Variants in TSPAN3 observed in about 807,000 individuals in gnomAD.
TSPAN3 encodes the protein tetraspanin-3.
In TSPAN3, 9 loss-of-function variants were observed where a neutral mutation model predicts 31.1. That is an observed-to-expected ratio of 0.29 (90% CI 0.17 to 0.50). TSPAN3 has a LOEUF of 0.50. Among genes scored for constraint, TSPAN3 ranks in the 20% least tolerant of loss-of-function variants. The pLI, the probability that TSPAN3 is intolerant of heterozygous loss-of-function variation, is 0.98. For synonymous variants in TSPAN3, 129 were observed against 114.3 expected (o/e 1.13, Z -0.82); for missense variants, 252 against 313.5 (o/e 0.80, Z 1.48).
chr15:77,057,856 C>A (rs2076777286), intron 1 of TSPAN3, among the ~76,000 whole-genome samples: 1 of 152,160 alleles, frequency 6.6e-6, no homozygotes, highest in African/African-American at 2.4e-5. Flanking sequence ...TACACATTTC[C>A]ATCTGCAAGT....
chr15:77,066,234 T>C (rs2076831963), intron 1 of TSPAN3, among the ~76,000 whole-genome samples: 1 of 152,218 alleles, frequency 6.6e-6, no homozygotes, highest in Admixed American at 6.5e-5. Flanking sequence ...TGTCTGACCT[T>C]GGTACAAAGG....
intron 6 of TSPAN3, among the ~76,000 whole-genome samples, chr15:77,050,995 C>A (rs1179410638): frequency 6.6e-6 from 1 of 152,150 alleles, no homozygotes; most frequent in Non-Finnish European, 1.5e-5. Context: ...GCAATCCAAG[C>A]AACTTACATT....
At position 77,041,469 on chromosome 15, in the gene TSPAN3, TCTGCCTCCCGGTTCAAGCGATTCTC is replaced by T. The variant is rs2076660019; in HGVS notation, c.*5341_*5365del. 6.7e-6 allele frequency: 1 copy of T among 148,226 alleles called. No homozygotes were observed. The highest frequency in any genetic ancestry group is 2.2e-4 in the South Asian group (1 of 4,640). 9.2% of individuals were successfully genotyped at this position (148,226 alleles called of 1,614,324 possible). On this transcript the variant is annotated 3_prime_UTR_variant, in exon 7 of 7. Transcript: ENST00000267970. The stretch of plus-strand genomic sequence containing the variant: ...GGCATAATCTCGGCTCACTGCAACC[TCTGCCTCCCGGTTCAAGCGATTCTC>T]CTGCCTCAGCCTCCCAAGTAGCTGG...
chr15:77,054,288 G>C lies in TSPAN3; in HGVS notation c.331-9C>G. On this transcript the variant is annotated splice_polypyrimidine_tract_variant and intron_variant, in intron 3 of 6. Transcript: ENST00000267970. ...TCAACCTCATTTTCCACCTGAATCA[G>C]AACAAAGAATTCAGTCCCTCAAAAA... 6.3e-7 allele frequency: 1 copy of C among 1,596,230 alleles called. No individual in the cohort carries two copies.
intron 6 of TSPAN3, among the ~76,000 whole-genome samples, chr15:77,051,821 G>A (rs1258224023): frequency 2.0e-5 from 3 of 152,114 alleles, no homozygotes; most frequent in Non-Finnish European, 2.9e-5. Context: ...TCATGTCATT[G>A]CACTCAAGCC....
At chr15:77,069,234 G>A (rs1458219275) in intron 1 of TSPAN3, among the ~76,000 whole-genome samples, 1 of 152,136 alleles carries the variant, frequency 6.6e-6, no homozygotes, top group African/African-American at 2.4e-5. Flanking sequence ...AATCATTGTA[G>A]AATACATTTC....
Position 77,046,695 on chromosome 15 carries a change from A to G in TSPAN3, c.*140T>C. Reference sequence around the variant, plus strand: ...AGGTAGTAGGTAAGTAGGTGGGCACATGAAAAGCCAAGCTGCTCTGTCCAA... The same window carrying G: ...AGGTAGTAGGTAAGTAGGTGGGCACGTGAAAAGCCAAGCTGCTCTGTCCAA... On this transcript the variant is annotated 3_prime_UTR_variant, in exon 7 of 7. Transcript: ENST00000267970. 6 of 611,276 alleles carry G rather than the reference A, an allele frequency of 9.8e-6. No homozygotes were observed. Among genetic ancestry groups the G allele is most frequent in the South Asian group, 2.2e-5 (1 of 46,026 alleles). The allele number at this position is 611,276 out of a possible 1,614,324, so 37.9% of individuals were successfully genotyped here. A position where few individuals can be genotyped will look rare whatever the true frequency, so the allele number is the denominator to read the frequency against.
Position 77,070,951 on chromosome 15 carries a change from C to T in TSPAN3, c.4G>A (p.Gly2Ser), listed in dbSNP as rs765595966. 43 of 1,438,256 alleles carry T rather than the reference C, an allele frequency of 3.0e-5. No individual in the cohort carries two copies. The highest frequency in any genetic ancestry group is 3.7e-4 in the Middle Eastern group (2 of 5,420). 89.1% of individuals were successfully genotyped at this position (1,438,256 alleles called of 1,614,324 possible). Reference protein sequence around the residue: MGQCGITSSKTV... With the variant: MSQCGITSSKTV... ...TTGGAGGAGGTGATGCCGCACTGGC[C>T]CATGGCGCCGGTGGCCCGCGAAGGC... Residue 2 changes from glycine (G) to serine (S), a missense_variant, in exon 1 of 7, where the codon GGC becomes AGC. By Grantham distance (56) the Gly-to-Ser change is moderately conservative. Coordinates refer to ENST00000267970, the MANE Select transcript of TSPAN3 (RefSeq NM_005724.6).
rs60483848 is a variant in TSPAN3 at position 77,053,451 on chromosome 15, CAAAAAAAAAAAAAAAAAAAAA to C, written c.433-543_433-523del. 1.4e-3 allele frequency among the ~76,000 whole-genome samples: 69 copies of C among 50,380 alleles called. 1 individual carries two copies. The highest frequency in any genetic ancestry group is 5.8e-3 in the African/African-American group (48 of 8,282). The allele number at this position is 50,380 out of a possible 152,430, so 33.1% of individuals were successfully genotyped here. On this transcript the variant is annotated intron_variant, in intron 4 of 6. Transcript: ENST00000267970. ...CAACAAGAGTGAAATTTCGCCATCT[CAAAAAAAAAAAAAAAAAAAAA>C]AAAAAAAAAAAAAAAAAAAAAAGAA...
In TSPAN3 at chr15:77,043,177, A is replaced by C. The variant is rs368749976; in HGVS notation, c.*3658T>G. ...GATTCTCCAGCATGGGACAGGCAGCATATCCCAGGCAACCACAGCCACCCC... is the reference window on the plus strand; with the variant it reads ...GATTCTCCAGCATGGGACAGGCAGCCTATCCCAGGCAACCACAGCCACCCC... On this transcript the variant is annotated 3_prime_UTR_variant, in exon 7 of 7. Coordinates refer to ENST00000267970, the MANE Select transcript of TSPAN3 (RefSeq NM_005724.6). 1 of 152,018 alleles carries C rather than the reference A, an allele frequency of 6.6e-6. No homozygotes were observed. Among genetic ancestry groups the C allele is most frequent in the African/African-American group, 2.4e-5 (1 of 41,330 alleles). The allele number at this position is 152,018 out of a possible 1,614,324, so 9.4% of individuals were successfully genotyped here.
At chr15:77,065,390 A>G (rs1250836164) in intron 1 of TSPAN3, among the ~76,000 whole-genome samples, 1 of 152,160 alleles carries the variant, frequency 6.6e-6, no homozygotes, top group East Asian at 1.9e-4. Context: ...AATTTTCCTT[A>G]ATTATATACA....
chr15:77,059,594 T>C (rs117207583), intron 1 of TSPAN3, among the ~76,000 whole-genome samples: 2,454 of 152,318 alleles, frequency 0.016, 40 homozygotes, highest in South Asian at 0.032. Flanking sequence ...GTCATTTGTT[T>C]TTATTAGACG....
intron 1 of TSPAN3, among the ~76,000 whole-genome samples, chr15:77,069,270 G>A (rs1038090375): frequency 6.6e-5 from 10 of 152,136 alleles, no homozygotes; most frequent in African/African-American, 2.4e-4. Context: ...AAATGTTATG[G>A]ATGCATAAGT....
intron 1 of TSPAN3, among the ~76,000 whole-genome samples, chr15:77,062,600 A>C (rs1350981700): frequency 6.6e-6 from 1 of 152,256 alleles, no homozygotes; most frequent in Non-Finnish European, 1.5e-5. Context: ...AGATGGGCGG[A>C]AGCACAAACT....
At chr15:77,047,674 G>T (rs1175999821) in intron 6 of TSPAN3, among the ~76,000 whole-genome samples, 1 of 152,128 alleles carries the variant, frequency 6.6e-6, no homozygotes, top group African/African-American at 2.4e-5. Context: ...TAGTAATAAA[G>T]TCATGCCATG....
chr15:77,055,040 T>TA, intron 3 of TSPAN3: 1 of 152,184 alleles, frequency 6.6e-6, no homozygotes, highest in East Asian at 1.9e-4. Flanking sequence ...ATTTTTTTTT[T>TA]AGCACAGCTT....
Position 77,051,538 on chromosome 15 carries a change from A to G in TSPAN3, c.669+847T>C, listed in dbSNP as rs191009938. Among the ~76,000 whole-genome samples, 62 of 151,492 alleles carry G rather than the reference A, an allele frequency of 4.1e-4. No homozygotes were observed. The East Asian group carries it at 5.0e-3, about 12-fold the overall frequency. Reference sequence around the variant, plus strand: ...AGCAAAACTCTGTCGTAAAAAAAAAAAAAAGAAAAGAAAAGAAAAGAAAGC... The same window carrying G: ...AGCAAAACTCTGTCGTAAAAAAAAAGAAAAGAAAAGAAAAGAAAAGAAAGC... On this transcript the variant is annotated intron_variant, in intron 6 of 6. Transcript: ENST00000267970.
intron 1 of TSPAN3, among the ~76,000 whole-genome samples, chr15:77,059,105 C>T (rs1275899711): frequency 2.6e-5 from 4 of 152,002 alleles, no homozygotes; most frequent in African/African-American, 9.7e-5. Context: ...TTTTTTGAGA[C>T]GGAGTCTCAC....
intron 6 of TSPAN3, among the ~76,000 whole-genome samples, chr15:77,049,840 T>C (rs889047285): frequency 2.0e-5 from 3 of 152,226 alleles, no homozygotes; most frequent in African/African-American, 7.2e-5. Flanking sequence ...TCTGCCATCT[T>C]ACCTCTGTAT....
Sources: gnomAD v4.1 joint callset for allele counts (sites outside exome capture counted in the v4.1 genomes callset) on GRCh38, gnomAD v4.1.1 for gene constraint, MANE v1.5 for transcripts, NCBI Gene and HGNC (gene_info 2026-07-23, HGNC 2026-07-21) for gene names.